Variants in UNC13C observed in about 807,000 individuals in gnomAD.
The protein encoded by UNC13C is unc-13 homolog C, also known as protein unc-13 homolog C.
Under a neutral mutation model 245.4 loss-of-function variants are expected in UNC13C, and 174 were observed. The observed-to-expected ratio is 0.71, with a 90% CI of 0.63 to 0.80. UNC13C has a LOEUF of 0.80. Ranked by LOEUF, UNC13C falls within the 30% of genes least tolerant of loss-of-function variation. The probability of loss-of-function intolerance (pLI) is 0.00; values close to 1 mark genes in which losing one functional copy is unlikely to be tolerated. For missense variants in UNC13C, 2,829 were observed against 2,602.9 expected (o/e 1.09, Z -1.89); for synonymous variants, 992 against 895.1 (o/e 1.11, Z -1.93).
intron 10 of UNC13C, among the ~76,000 whole-genome samples, chr15:54,274,387 C>A (rs1596125570): frequency 6.6e-6 from 1 of 152,154 alleles, no homozygotes; most frequent in African/African-American, 2.4e-5. Context: ...TTTGTGTGGT[C>A]ATTTACTGTA....
intron 29 of UNC13C, among the ~76,000 whole-genome samples, chr15:54,559,031 G>A (rs1047096783): frequency 9.9e-5 from 15 of 151,830 alleles, no homozygotes; most frequent in Non-Finnish European, 2.9e-5. Context: ...AATTCCCCCA[G>A]AACCCCTGTT....
chr15:54,037,248 C>T (rs1183048969), intron 2 of UNC13C, among the ~76,000 whole-genome samples: 1 of 152,206 alleles, frequency 6.6e-6, no homozygotes. Flanking sequence ...ACAGTTGTTG[C>T]CCTTTTAGGC....
chr15:54,437,694 C>T (rs1276611187), intron 19 of UNC13C, among the ~76,000 whole-genome samples: 2 of 151,890 alleles, frequency 1.3e-5, no homozygotes, highest in African/African-American at 4.8e-5. Flanking sequence ...AACAGGAACA[C>T]TGTTGACAAG....
intron 10 of UNC13C, among the ~76,000 whole-genome samples, chr15:54,278,694 C>T (rs2036898810): frequency 6.6e-6 from 1 of 152,086 alleles, no homozygotes; most frequent in Admixed American, 6.5e-5. Flanking sequence ...AAAGCACATA[C>T]TGGATTTTCA....
intron 27 of UNC13C, 134 bp downstream of exon 27, chr15:54,546,979 G>C (rs1174945243): frequency 8.6e-6 from 7 of 814,318 alleles, no homozygotes; most frequent in Middle Eastern, 3.1e-4. Context: ...TCTTAACAAT[G>C]ATCATTCAAA....
intron 17 of UNC13C, among the ~76,000 whole-genome samples, chr15:54,391,865 C>A (rs995624603): frequency 3.3e-5 from 5 of 152,008 alleles, no homozygotes. Flanking sequence ...TAAATGACAA[C>A]TCAACAAAAT....
intron 19 of UNC13C, among the ~76,000 whole-genome samples, chr15:54,455,237 A>G (rs1479653786): frequency 3.3e-5 from 3 of 89,746 alleles, no homozygotes; most frequent in South Asian, 3.8e-4. Context: ...ATATATATAT[A>G]TGTTTTTTAA....
At chr15:54,214,473 A>G (rs1270739822) in intron 4 of UNC13C, among the ~76,000 whole-genome samples, 3 of 151,886 alleles carry the variant, frequency 2.0e-5, no homozygotes, top group South Asian at 2.1e-4. Flanking sequence ...TCTAATAATA[A>G]GAGGGGTGGG....
chr15:54,083,796 G>A (rs893748219), intron 2 of UNC13C, among the ~76,000 whole-genome samples: 2 of 152,154 alleles, frequency 1.3e-5, no homozygotes, highest in Non-Finnish European at 2.9e-5. Context: ...GGATTATAAG[G>A]TATGTTTGCT....
intron 10 of UNC13C, among the ~76,000 whole-genome samples, chr15:54,273,757 C>G (rs775790006): frequency 6.6e-6 from 1 of 152,108 alleles, no homozygotes; most frequent in Non-Finnish European, 1.5e-5. Context: ...GATCCGAAAA[C>G]TAAAATGCCA....
chr15:54,497,423 G>C (rs2141093351), intron 20 of UNC13C, among the ~76,000 whole-genome samples: 1 of 152,184 alleles, frequency 6.6e-6, no homozygotes, highest in East Asian at 1.9e-4. Flanking sequence ...TGGGTTATGG[G>C]GCTATGAAGG....
intron 2 of UNC13C, among the ~76,000 whole-genome samples, chr15:54,137,733 TAA>T (rs2031809508): frequency 6.6e-6 from 1 of 152,144 alleles, no homozygotes; most frequent in South Asian, 2.1e-4. Flanking sequence ...TGAGTCTAGC[TAA>T]GAGTTTGACA....
intron 30 of UNC13C, among the ~76,000 whole-genome samples, chr15:54,610,109 G>C (rs568324412): frequency 6.6e-6 from 1 of 151,684 alleles, no homozygotes; most frequent in Non-Finnish European, 1.5e-5. Context: ...GCATATTGTA[G>C]TTTTTTTTTA....
intron 17 of UNC13C, among the ~76,000 whole-genome samples, chr15:54,382,186 T>C (rs1187326428): frequency 2.0e-5 from 3 of 152,078 alleles, no homozygotes. Context: ...TTAAAACATG[T>C]CTTGAGAGAG....
chr15:54,186,611 C>G (rs2033992067), intron 4 of UNC13C, among the ~76,000 whole-genome samples: 1 of 151,516 alleles, frequency 6.6e-6, no homozygotes, highest in Non-Finnish European at 1.5e-5. Flanking sequence ...AATATTATAA[C>G]AGAAAAAAAT....
intron 19 of UNC13C, among the ~76,000 whole-genome samples, chr15:54,452,544 G>T (rs972381899): frequency 1.3e-5 from 2 of 152,200 alleles, no homozygotes; most frequent in Non-Finnish European, 2.9e-5. Context: ...GGATAGGGCA[G>T]GACAATCCCA....
intron 17 of UNC13C, among the ~76,000 whole-genome samples, chr15:54,374,256 A>G (rs1457819709): frequency 6.6e-6 from 1 of 152,162 alleles, no homozygotes; most frequent in African/African-American, 2.4e-5. Context: ...CCCCAGCTTC[A>G]GGCCTTCCCA....
intron 28 of UNC13C, among the ~76,000 whole-genome samples, chr15:54,550,171 A>C (rs1389367286): frequency 6.6e-6 from 1 of 152,138 alleles, no homozygotes; most frequent in Non-Finnish European, 1.5e-5. Flanking sequence ...TAGGAACTTG[A>C]CTGGCTAAAA....
chr15:54,322,964 C>A (rs1429281888), intron 14 of UNC13C, among the ~76,000 whole-genome samples: 1 of 150,528 alleles, frequency 6.6e-6, no homozygotes, highest in Admixed American at 6.6e-5. Context: ...AATGGGTAGG[C>A]AGTAGCGCTG....
Sources: gnomAD v4.1 joint callset for allele counts (sites outside exome capture counted in the v4.1 genomes callset) on GRCh38, gnomAD v4.1.1 for gene constraint, MANE v1.5 for transcripts, NCBI Gene and HGNC (gene_info 2026-07-23, HGNC 2026-07-21) for gene names.